SMAD2: variants seen among roughly 807,000 people sequenced by gnomAD.
SMAD2 encodes the protein MAD homolog 2.
Under a neutral mutation model 64.4 loss-of-function variants are expected in SMAD2, and 8 were observed. The ratio of observed to expected loss-of-function variants is 0.12; its 90% CI spans 0.07 to 0.22. The LOEUF is 0.22. Among genes scored for constraint, SMAD2 ranks in the 10% least tolerant of loss-of-function variants. The pLI is 1.00. For synonymous variants in SMAD2, 203 were observed against 195.8 expected (o/e 1.04, Z -0.31); for missense variants, 289 against 561.2 (o/e 0.51, Z 4.90).
chr18:47,901,044 T>C (rs771222245), intron 1 of SMAD2, among the ~76,000 whole-genome samples: 1 of 152,222 alleles, frequency 6.6e-6, no homozygotes, highest in Non-Finnish European at 1.5e-5. Context: ...CCACCATTAA[T>C]AGTTTCAATG....
chr18:47,888,751 A>T (rs895177130), intron 2 of SMAD2, among the ~76,000 whole-genome samples: 1 of 152,220 alleles, frequency 6.6e-6, no homozygotes, highest in Admixed American at 6.5e-5. Flanking sequence ...TTTATGAGTG[A>T]ATTTTACATA....
In SMAD2 at chr18:47,811,414, G is replaced by A. The variant is rs528099877; in HGVS notation, c.*30413C>T. The A allele has an allele frequency of 3.4e-5, 5 of 146,680 alleles. No homozygotes were observed. The East Asian group carries it at 1.0e-3, about 30-fold the overall frequency. The allele number at this position is 146,680 out of a possible 1,614,324, so 9.1% of individuals were successfully genotyped here. On this transcript the variant is annotated 3_prime_UTR_variant, in exon 11 of 11. Coordinates refer to ENST00000262160, the MANE Select transcript of SMAD2 (RefSeq NM_005901.6). ...GAACCCAGGAGGCGGAGCTTGCAGT[G>A]AGCTGAGATTGTGCCACTGCACTCC...
chr18:47,870,572 TA>T lies in SMAD2; in HGVS notation c.237-9del. On this transcript the variant is annotated splice_polypyrimidine_tract_variant and intron_variant, in intron 2 of 10. Coordinates refer to ENST00000262160, the MANE Select transcript of SMAD2 (RefSeq NM_005901.6). Reference sequence around the variant, plus strand: ...CAAATTTCAGAGCAAGTGCTGTGCATAAATTGAAAAACAAAAAATTGATGTG... The same window carrying T: ...CAAATTTCAGAGCAAGTGCTGTGCATAATTGAAAAACAAAAAATTGATGTG... 1 of 1,604,128 alleles carries T rather than the reference TA, an allele frequency of 6.2e-7. No homozygotes were observed. Among genetic ancestry groups the T allele is most frequent in the Non-Finnish European group, 8.5e-7 (1 of 1,171,026 alleles).
chr18:47,850,615 TTATATATTA>T (rs1357288390), intron 7 of SMAD2, among the ~76,000 whole-genome samples: 3 of 33,534 alleles, frequency 8.9e-5, no homozygotes, highest in African/African-American at 1.4e-4. Context: ...ATAATATATA[TTATATATTA>T]TATATATATT....
At chr18:47,864,446 C>T (rs143828822) in intron 6 of SMAD2, among the ~76,000 whole-genome samples, 52 of 152,244 alleles carry the variant, frequency 3.4e-4, no homozygotes, top group African/African-American at 1.2e-3. Flanking sequence ...AGTTAAGATA[C>T]AGACAGGTAA....
intron 10 of SMAD2, among the ~76,000 whole-genome samples, chr18:47,843,738 A>G (rs1253069850): frequency 2.0e-5 from 3 of 152,148 alleles, no homozygotes; most frequent in African/African-American, 7.2e-5. Flanking sequence ...CTGACTCCCA[A>G]TACTCATAAA....
In SMAD2 at chr18:47,833,287, G is replaced by A; in HGVS notation, c.*8540C>T. The A allele has an allele frequency of 4.6e-6, 1 of 217,864 alleles. No individual in the cohort carries two copies. The highest frequency in any genetic ancestry group is 1.4e-3 in the Middle Eastern group (1 of 700). The allele number at this position is 217,864 out of a possible 1,614,324, so 13.5% of individuals were successfully genotyped here. A position where few individuals can be genotyped will look rare whatever the true frequency, so the allele number is the denominator to read the frequency against. On this transcript the variant is annotated 3_prime_UTR_variant, in exon 11 of 11. Coordinates refer to ENST00000262160, the MANE Select transcript of SMAD2 (RefSeq NM_005901.6). ...CATGTAAGCAATGTTTTCTTAAGCAGAACTTTTTTTGTACTTTAAATAGAC... is the reference window on the plus strand; with the variant it reads ...CATGTAAGCAATGTTTTCTTAAGCAAAACTTTTTTTGTACTTTAAATAGAC...
chr18:47,894,258 A>G (rs765013938), intron 2 of SMAD2, among the ~76,000 whole-genome samples: 3 of 152,134 alleles, frequency 2.0e-5, no homozygotes, highest in Non-Finnish European at 4.4e-5. Flanking sequence ...GCTCCCTTCA[A>G]TCAAGTGATA....
At chr18:47,894,085 C>T (rs1419941765) in intron 2 of SMAD2, among the ~76,000 whole-genome samples, 1 of 152,202 alleles carries the variant, frequency 6.6e-6, no homozygotes, top group African/African-American at 2.4e-5. Flanking sequence ...AAGGTGACCT[C>T]CTCCACAGGT....
rs1361626292 is a variant in SMAD2, at chr18:47,835,283, A to C, written c.*6544T>G. 3.8e-5 allele frequency: 8 copies of C among 211,808 alleles called. No homozygotes were observed. The highest frequency in any genetic ancestry group is 6.7e-5 in the Non-Finnish European group (7 of 104,486). The allele number at this position is 211,808 out of a possible 1,614,324, so 13.1% of individuals were successfully genotyped here. A position where few individuals can be genotyped will look rare whatever the true frequency, so the allele number is the denominator to read the frequency against. Reference sequence around the variant, plus strand: ...ACAGTTGGGTTTTTAAAAAAATTCAAAACTCATGCATGTTACCTACTTGTC... The same window carrying C: ...ACAGTTGGGTTTTTAAAAAAATTCACAACTCATGCATGTTACCTACTTGTC... On this transcript the variant is annotated 3_prime_UTR_variant, in exon 11 of 11. Transcript: ENST00000262160.
chr18:47,906,836 T>A (rs928919950), intron 1 of SMAD2, among the ~76,000 whole-genome samples: 8 of 152,152 alleles, frequency 5.3e-5, no homozygotes, highest in African/African-American at 1.9e-4. Context: ...TCTGCTTCCA[T>A]CGTCACACTG....
At chr18:47,903,164 G>C (rs374976691) in intron 1 of SMAD2, among the ~76,000 whole-genome samples, 1 of 152,264 alleles carries the variant, frequency 6.6e-6, no homozygotes, top group Admixed American at 6.5e-5. Flanking sequence ...AGAGAGTCTA[G>C]ACATTGAGCT....
intron 6 of SMAD2, among the ~76,000 whole-genome samples, chr18:47,852,896 G>C (rs984071989): frequency 6.6e-6 from 1 of 152,072 alleles, no homozygotes; most frequent in Non-Finnish European, 1.5e-5. Flanking sequence ...AAACACATTT[G>C]CTATAAACAT....
chr18:47,812,509 G>A lies in SMAD2; in HGVS notation c.*29318C>T, dbSNP rs1912237882. 6.6e-6 allele frequency: 1 copy of A among 152,218 alleles called. No individual in the cohort carries two copies. The highest frequency in any genetic ancestry group is 6.5e-5 in the Admixed American group (1 of 15,280). The allele number at this position is 152,218 out of a possible 1,614,324, so 9.4% of individuals were successfully genotyped here. A position where few individuals can be genotyped will look rare whatever the true frequency, so the allele number is the denominator to read the frequency against. On this transcript the variant is annotated 3_prime_UTR_variant, in exon 11 of 11. Coordinates refer to ENST00000262160, the MANE Select transcript of SMAD2 (RefSeq NM_005901.6). ...CTTCTTCACAAGGTGGCAGAAGAGA[G>A]TGTGAGTGTGTGAAAGTACAGGAAA...
chr18:47,889,785 G>A (rs1242882389), intron 2 of SMAD2, among the ~76,000 whole-genome samples: 7 of 149,568 alleles, frequency 4.7e-5, no homozygotes, highest in Admixed American at 2.7e-4. Flanking sequence ...AAAAAAAAAA[G>A]GACTGGAAAC....
At position 47,821,260 on chromosome 18, in the gene SMAD2, C is replaced by G. The variant is rs888558922; in HGVS notation, c.*20567G>C. 5.9e-5 allele frequency: 9 copies of G among 152,266 alleles called. No individual in the cohort carries two copies. The South Asian group carries it at 8.3e-4, about 14-fold the overall frequency. The allele number at this position is 152,266 out of a possible 1,614,324, so 9.4% of individuals were successfully genotyped here. A position where few individuals can be genotyped will look rare whatever the true frequency, so the allele number is the denominator to read the frequency against. On this transcript the variant is annotated 3_prime_UTR_variant, in exon 11 of 11. Coordinates refer to ENST00000262160, the MANE Select transcript of SMAD2 (RefSeq NM_005901.6). ...AGGTCACACATCATTGCCTTTAGCT[C>G]TTTCTCCCCTTAAGAAGGTACATCT...
intron 6 of SMAD2, among the ~76,000 whole-genome samples, chr18:47,858,068 A>G (rs577474046): frequency 6.6e-6 from 1 of 152,310 alleles, no homozygotes; most frequent in East Asian, 1.9e-4. Context: ...CTTTCCAAAG[A>G]AAGTGTTATC....
Position 47,835,283 on chromosome 18 carries a change from A to T in SMAD2, c.*6544T>A, listed in dbSNP as rs1361626292. On this transcript the variant is annotated 3_prime_UTR_variant, in exon 11 of 11. Transcript: ENST00000262160. ...ACAGTTGGGTTTTTAAAAAAATTCA[A>T]AACTCATGCATGTTACCTACTTGTC... 4.7e-6 allele frequency: 1 copy of T among 211,808 alleles called. No homozygotes were observed. Among genetic ancestry groups the T allele is most frequent in the Non-Finnish European group, 9.6e-6 (1 of 104,486 alleles). The allele number at this position is 211,808 out of a possible 1,614,324, so 13.1% of individuals were successfully genotyped here.
At chr18:47,919,468 ATACACACACACACAC>A (rs1363178471) in intron 1 of SMAD2, among the ~76,000 whole-genome samples, 16 of 77,352 alleles carry the variant, frequency 2.1e-4, no homozygotes, top group African/African-American at 8.5e-4. Flanking sequence ...AAAAAAAAAA[ATACACACACACACAC>A]ACACACACAC....
Sources: gnomAD v4.1 joint callset for allele counts (sites outside exome capture counted in the v4.1 genomes callset) on GRCh38, gnomAD v4.1.1 for gene constraint, MANE v1.5 for transcripts, NCBI Gene and HGNC (gene_info 2026-07-23, HGNC 2026-07-21) for gene names.